AP1G1: variants seen among roughly 807,000 people sequenced by gnomAD.
AP1G1 encodes adaptor related protein complex 1 subunit gamma 1, also known as AP-1 complex subunit gamma-1.
Under a neutral mutation model 108.3 loss-of-function variants are expected in AP1G1, and 7 were observed. The ratio of observed to expected loss-of-function variants is 0.06; its 90% CI spans 0.04 to 0.12. The LOEUF (loss-of-function observed/expected upper bound fraction) is 0.12. Among genes scored for constraint, AP1G1 ranks in the 10% least tolerant of loss-of-function variants. AP1G1 has a pLI of 1.00. For synonymous variants in AP1G1, 379 were observed against 353.5 expected, an observed-to-expected ratio of 1.07 and a Z score of -0.81; for missense variants, 756 against 1,010.7, an observed-to-expected ratio of 0.75 and a Z score of 3.42.
intron 2 of AP1G1, among the ~76,000 whole-genome samples, chr16:71,780,783 C>T (rs1455493998): frequency 3.3e-5 from 5 of 151,494 alleles, no homozygotes; most frequent in African/African-American, 1.2e-4. Flanking sequence ...GTAGCTACAA[C>T]TACAGGCATA....
At chr16:71,755,922 G>A in intron 12 of AP1G1, 97 bp downstream of exon 12, 1 of 1,354,778 alleles carries the variant, frequency 7.4e-7, no homozygotes, top group Middle Eastern at 1.9e-4. Flanking sequence ...GAGACTGCAG[G>A]CGTGTGCCAC....
At chr16:71,742,232 A>G (rs1006333766) in intron 19 of AP1G1, 1 of 152,180 alleles carries the variant, frequency 6.6e-6, no homozygotes, top group Non-Finnish European at 1.5e-5. Flanking sequence ...AGGAATGTTC[A>G]GAAAGGAACC....
chr16:71,734,565 G>T, intron 22 of AP1G1, 44 bp downstream of exon 22: 1 of 1,448,896 alleles, frequency 6.9e-7, no homozygotes, highest in Non-Finnish European at 9.7e-7. Context: ...CGGGAAATAT[G>T]CTTACACTTC....
At position 71,746,708 on chromosome 16, in the gene AP1G1, C is replaced by T. The variant is rs771354230; in HGVS notation, c.1626-16G>A. The T allele has an allele frequency of 6.3e-7, 1 of 1,575,350 alleles. No homozygotes were observed. The highest frequency in any genetic ancestry group is 1.1e-5 in the South Asian group (1 of 88,188). ...CTTAATTCGGCTATAGATAAAATGA[C>T]AAACGAAATAAAATACCCAAAAGAA... is the stretch of plus-strand genomic sequence containing the variant. On this transcript the variant is annotated splice_polypyrimidine_tract_variant and intron_variant, in intron 16 of 22. Coordinates refer to ENST00000299980, the MANE Select transcript of AP1G1 (RefSeq NM_001128.6).
In AP1G1 at chr16:71,774,334, G is replaced by C. The variant is rs540103114; in HGVS notation, c.326+134C>G. The C allele has an allele frequency of 1.5e-5, 13 of 871,264 alleles. No individual in the cohort carries two copies. The Admixed American group carries it at 3.0e-4, about 20-fold the overall frequency. 54.0% of individuals were successfully genotyped at this position (871,264 alleles called of 1,614,324 possible). A position where few individuals can be genotyped will look rare whatever the true frequency, so the allele number is the denominator to read the frequency against. Reference sequence around the variant, plus strand: ...CAGTTGGGGGAGGACGGTGGCAGCGGAGGAGGATGCAGTGAGTCAAGATCA... The same window carrying C: ...CAGTTGGGGGAGGACGGTGGCAGCGCAGGAGGATGCAGTGAGTCAAGATCA... On this transcript the variant is annotated intron_variant, in intron 3 of 22. Coordinates refer to ENST00000299980, the MANE Select transcript of AP1G1 (RefSeq NM_001128.6).
chr16:71,760,256 G>T (rs1361978282), intron 10 of AP1G1, among the ~76,000 whole-genome samples: 5 of 147,588 alleles, frequency 3.4e-5, no homozygotes, highest in African/African-American at 1.3e-4. Context: ...TTGAAACAGG[G>T]TCTCGGCCAG....
chr16:71,765,745 G>T, intron 6 of AP1G1, 161 bp from the exon 7 acceptor site: 1 of 590,064 alleles, frequency 1.7e-6, no homozygotes, highest in East Asian at 3.1e-5. Flanking sequence ...AAACTTAGGA[G>T]TAACTTAGGG....
intron 21 of AP1G1, among the ~76,000 whole-genome samples, chr16:71,735,855 C>A (rs993684717): frequency 6.6e-6 from 1 of 151,196 alleles, no homozygotes; most frequent in East Asian, 2.0e-4. Flanking sequence ...AGATATATTA[C>A]ACTGGGGGCT....
intron 17 of AP1G1, 30 bp downstream of exon 17, chr16:71,746,558 T>G: frequency 7.4e-7 from 1 of 1,346,850 alleles, no homozygotes; most frequent in Non-Finnish European, 1.1e-6. Flanking sequence ...TGCTAAGAGA[T>G]ACACGCATTG....
In AP1G1 at chr16:71,750,328, C is replaced by A. The variant is rs2030417475; in HGVS notation, c.1289G>T (p.Gly430Val). ...DTIMRVLTTA[G>V]SYVRDDAVPN... is the part of the protein sequence containing the mutation. ...GACTGCATCATCACGAACATAACTTCCTGCCTAAAAGGAAATGCAGACAAT... is the reference window on the plus strand; with the variant it reads ...GACTGCATCATCACGAACATAACTTACTGCCTAAAAGGAAATGCAGACAAT... The change falls in exon 14 of 23, where the codon GGA becomes GTA. Residue 430 changes from glycine (G) to valine (V), a missense_variant. Transcript: ENST00000299980. 6.2e-7 allele frequency: 1 copy of A among 1,613,756 alleles called. No individual in the cohort carries two copies. Among genetic ancestry groups the A allele is most frequent in the Non-Finnish European group, 8.5e-7 (1 of 1,179,984 alleles).
intron 1 of AP1G1, among the ~76,000 whole-genome samples, chr16:71,798,836 C>T (rs1304567358): frequency 6.6e-6 from 1 of 151,010 alleles, no homozygotes; most frequent in Non-Finnish European, 1.5e-5. Flanking sequence ...TGCAGTGAGC[C>T]GAGATCACAC....
chr16:71,769,473 G>C, intron 6 of AP1G1, 150 bp downstream of exon 6: 1 of 714,392 alleles, frequency 1.4e-6, no homozygotes, highest in Non-Finnish European at 2.5e-6. Flanking sequence ...CCTAAATCTG[G>C]CTTCCAGGCC....
At chr16:71,737,025 T>C (rs2045559005) in intron 21 of AP1G1, among the ~76,000 whole-genome samples, 1 of 152,142 alleles carries the variant, frequency 6.6e-6, no homozygotes, top group Admixed American at 6.5e-5. Flanking sequence ...GTATAAAACC[T>C]AAGTTGAAGA....
At chr16:71,794,864 T>C (rs1009699761) in intron 1 of AP1G1, among the ~76,000 whole-genome samples, 1 of 121,334 alleles carries the variant, frequency 8.2e-6, no homozygotes, top group Non-Finnish European at 1.7e-5. Context: ...TTTTTTTTTT[T>C]ACTTTGAAAT....
At chr16:71,743,369 T>A (rs915426713) in intron 19 of AP1G1, 1 of 152,198 alleles carries the variant, frequency 6.6e-6, no homozygotes, top group African/African-American at 2.4e-5. Context: ...TGTCTATTTT[T>A]TACTCAAGGT....
At chr16:71,807,860 A>AG (rs1216110785) in intron 1 of AP1G1, 7 of 1,287,414 alleles carry the variant, frequency 5.4e-6, no homozygotes, top group South Asian at 1.2e-5. Context: ...ATAATAGGGG[A>AG]GAAAAAAAAA....
chr16:71,764,464 G>A lies in AP1G1; in HGVS notation c.820-16C>T, dbSNP rs2031231786. On this transcript the variant is annotated splice_polypyrimidine_tract_variant and intron_variant, in intron 8 of 22. Transcript: ENST00000299980. ...TAGTGGCAACCTGAAAAGACATATC[G>A]AGGGCAGTACATAAGTGATAAAAAC... The A allele has an allele frequency of 2.6e-6, 4 of 1,524,848 alleles. No individual in the cohort carries two copies. The highest frequency in any genetic ancestry group is 1.7e-4 in the Middle Eastern group (1 of 5,886). The allele number at this position is 1,524,848 out of a possible 1,614,324, so 94.5% of individuals were successfully genotyped here.
chr16:71,799,883 A>G (rs999087079), intron 1 of AP1G1, among the ~76,000 whole-genome samples: 3 of 148,960 alleles, frequency 2.0e-5, no homozygotes, highest in African/African-American at 7.4e-5. Flanking sequence ...TTCGTGACAG[A>G]GCGAGGTTCC....
At position 71,750,176 on chromosome 16, in the gene AP1G1, A is replaced by C. The variant is rs770563317; in HGVS notation, c.1407+34T>G. 39 of 1,604,022 alleles carry C rather than the reference A, an allele frequency of 2.4e-5. No homozygotes were observed. The Middle Eastern group carries it at 1.0e-3, about 42-fold the overall frequency. ...ACATACCAGAAAAATTGAGGGTAAA[A>C]TTACCCCCTAAAATAGTTGAATGAA... On this transcript the variant is annotated intron_variant, in intron 14 of 22. Transcript: ENST00000299980.
Sources: allele counts gnomAD v4.1 joint callset (sites outside exome capture counted in the v4.1 genomes callset), GRCh38; gene constraint gnomAD v4.1.1; transcripts MANE v1.5; gene names NCBI Gene and HGNC (gene_info 2026-07-23, HGNC 2026-07-21).